The following SSH1 variants were observed in gnomAD, a reference collection of about 807,000 sequenced individuals.
SSH1 encodes slingshot protein phosphatase 1.
Under a neutral mutation model 79.7 loss-of-function variants are expected in SSH1, and 43 were observed. The ratio of observed to expected loss-of-function variants is 0.54; its 90% CI spans 0.42 to 0.70. The LOEUF (loss-of-function observed/expected upper bound fraction) is 0.70. Among genes scored for constraint, SSH1 ranks in the 30% least tolerant of loss-of-function variants. The pLI is 0.00. For missense variants in SSH1, 1,206 were observed against 1,358.8 expected (o/e 0.89, Z 1.77); for synonymous variants, 599 against 538.3 (o/e 1.11, Z -1.56).
chr12:108,823,099 C>G (rs75226527), intron 3 of SSH1, among the ~76,000 whole-genome samples, 159 bp downstream of exon 3: 1,915 of 152,302 alleles, frequency 0.013, 40 homozygotes, highest in African/African-American at 0.044. Context: ...GTGGTCTGCT[C>G]AAGAGAGAGC....
At chr12:108,824,454 C>CAA (rs778260052) in intron 2 of SSH1, among the ~76,000 whole-genome samples, 5 of 113,688 alleles carry the variant, frequency 4.4e-5, no homozygotes, top group South Asian at 2.9e-4. Context: ...GACTGTGTCT[C>CAA]AAAAAAAAAA....
rs550843784 is a variant in SSH1 at position 108,799,981 on chromosome 12, T to C, written c.1149-781A>G. 5.3e-5 allele frequency among the ~76,000 whole-genome samples: 8 copies of C among 152,302 alleles called. No individual in the cohort carries two copies. In the South Asian group the frequency reaches 1.0e-3, roughly 20 times the overall value. On this transcript the variant is annotated intron_variant, in intron 12 of 14. Coordinates refer to ENST00000326495, the MANE Select transcript of SSH1 (RefSeq NM_018984.4). ...GCTCTGGTTTCCTATACCCCAACCT[T>C]GAAATTCTCCTGCAAATCTCAGTGG...
rs560897365 is a variant in SSH1, at chr12:108,810,685, T to C, written c.470+575A>G. 4.6e-5 allele frequency among the ~76,000 whole-genome samples: 7 copies of C among 152,350 alleles called. No individual in the cohort carries two copies. In the East Asian group the frequency reaches 9.6e-4, roughly 21 times the overall value. ...TTAGAATCCCCGTGTCAGGCCACTT[T>C]CCTATTCTGTTTCTTCCCACTCCTC... On this transcript the variant is annotated intron_variant, in intron 6 of 14. Transcript: ENST00000326495.
In SSH1 at chr12:108,840,688, A is replaced by C. The variant is rs143128471; in HGVS notation, c.110+11950T>G. On this transcript the variant is annotated intron_variant, in intron 2 of 14. Coordinates refer to ENST00000326495, the MANE Select transcript of SSH1 (RefSeq NM_018984.4). ...ATTTTCTAATAAGCTGTCTAAATCC[A>C]GAGATCCGACCACAGAACAATGAAT... Among the ~76,000 whole-genome samples, 928 of 152,346 alleles carry C rather than the reference A, an allele frequency of 6.1e-3. 6 individuals carry two copies. Among genetic ancestry groups the C allele is most frequent in the Non-Finnish European group, 9.3e-3 (634 of 68,020 alleles).
chr12:108,811,623 A>T (rs1403750317), intron 5 of SSH1: 5 of 467,370 alleles, frequency 1.1e-5, no homozygotes, highest in Non-Finnish European at 1.6e-5. Flanking sequence ...CGGAGGCCAC[A>T]TGTGTACTTG....
rs146699038 is a variant in SSH1, at chr12:108,792,644, C to T, written c.1535G>A (p.Arg512Gln). The T allele has an allele frequency of 1.1e-4, 183 of 1,611,476 alleles. 1 individual carries two copies. In the African/African-American group the frequency reaches 1.9e-3, roughly 17 times the overall value. ...GLGPPLPCCFRRLSDPLLPSP... is the reference protein window; with the variant it reads ...GLGPPLPCCFQRLSDPLLPSP... ...AGGCAGAAGGGGGTCTGAGAGTCGCCGGAAACAGCAGGGGAGGGGGGGCCC... is the reference window on the plus strand; with the variant it reads ...AGGCAGAAGGGGGTCTGAGAGTCGCTGGAAACAGCAGGGGAGGGGGGGCCC... Residue 512 changes from arginine to glutamine, a missense_variant, in exon 14 of 15, where the codon CGG becomes CAG. This residue lies in a region of SSH1 where 709 missense variants were observed against 730.6 expected (regional missense o/e 0.97). Coordinates refer to ENST00000326495, the MANE Select transcript of SSH1 (RefSeq NM_018984.4).
chr12:108,795,933 G>C (rs1347436907), intron 13 of SSH1, among the ~76,000 whole-genome samples: 1 of 152,046 alleles, frequency 6.6e-6, no homozygotes, highest in African/African-American at 2.4e-5. Flanking sequence ...TCTGAGAAAA[G>C]GTCTCGCTCT....
Position 108,788,047 on chromosome 12 carries a change from G to A in SSH1, c.3091C>T (p.Pro1031Ser), listed in dbSNP as rs1340582871. ...TPRDPAATSK[P>S]SGKPAPENLK... ...TTTTCTGGGGCGGGTTTCCCTGATG[G>A]TTTGGAGGTTGCAGCTGGGTCCCTC... The change falls in exon 15 of 15, where the codon CCA (proline) becomes TCA (serine). Residue 1031 changes from proline to serine, a missense_variant. Transcript: ENST00000326495. The A allele has an allele frequency of 1.2e-6, 2 of 1,614,134 alleles. No homozygotes were observed. The highest frequency in any genetic ancestry group is 8.5e-7 in the Non-Finnish European group (1 of 1,180,032).
At chr12:108,843,681 C>T (rs1046627965) in intron 2 of SSH1, among the ~76,000 whole-genome samples, 6 of 152,024 alleles carry the variant, frequency 3.9e-5, no homozygotes, top group South Asian at 2.1e-4. Context: ...ATTACAGGCA[C>T]GCGCCACCAT....
chr12:108,827,411 C>A, intron 2 of SSH1: 1 of 1,424,456 alleles, frequency 7.0e-7, no homozygotes, highest in Non-Finnish European at 9.2e-7. Flanking sequence ...GCCATCTGCT[C>A]CCTATGGAGA....
intron 3 of SSH1, among the ~76,000 whole-genome samples, chr12:108,822,372 G>A (rs542289361): frequency 2.0e-5 from 3 of 152,252 alleles, no homozygotes; most frequent in South Asian, 4.1e-4. Flanking sequence ...GGGTTCAAGC[G>A]AGATCTGCCC....
At chr12:108,842,392 C>T (rs2038799134) in intron 2 of SSH1, among the ~76,000 whole-genome samples, 1 of 152,188 alleles carries the variant, frequency 6.6e-6, no homozygotes, top group Non-Finnish European at 1.5e-5. Context: ...CTGGCTCAGG[C>T]CTCCCACCAG....
intron 2 of SSH1, chr12:108,827,372 C>T (rs756730367): frequency 9.8e-6 from 15 of 1,536,712 alleles, no homozygotes; most frequent in Non-Finnish European, 1.2e-5. Context: ...ACATCTCTAA[C>T]GCTCCCTACA....
chr12:108,852,657 C>G lies in SSH1; in HGVS notation c.91G>C (p.Asp31His). 6.2e-7 allele frequency: 1 copy of G among 1,614,152 alleles called. No individual in the cohort carries two copies. The change falls in exon 2 of 15, where the codon GAT (aspartate) becomes CAT (histidine). Residue 31 changes from aspartate (D) to histidine (H), a missense_variant. Physicochemically the swap from Asp to His is moderately conservative, Grantham distance 81. This residue lies in a region of SSH1 where 100 missense variants were observed against 82.3 expected (regional missense o/e 1.21). Transcript: ENST00000326495. ...GCTTACCTGAGGTTTAATTTTCGAT[C>G]TTCTTCGCTGCCAGCCTCCAACTAC... Reference protein sequence around the residue: ...NSELEAGSEEDRKLNLSLSES... With the variant: ...NSELEAGSEEHRKLNLSLSES...
At chr12:108,811,633 G>A in intron 5 of SSH1, 1 of 451,586 alleles carries the variant, frequency 2.2e-6, no homozygotes, top group Non-Finnish European at 4.1e-6. Flanking sequence ...ATGTGTACTT[G>A]GGGGTACATA....
In SSH1 at chr12:108,817,693, G is replaced by T. The variant is rs138723449; in HGVS notation, c.280-534C>A. 2.8e-4 allele frequency among the ~76,000 whole-genome samples: 42 copies of T among 152,312 alleles called. 1 individual carries two copies. The East Asian group carries it at 6.4e-3, about 23-fold the overall frequency. On this transcript the variant is annotated intron_variant, in intron 4 of 14. Transcript: ENST00000326495. ...CTCAGAGGAATCACCCAAAATGCAA[G>T]AAATCAGTGAACACATGAAATCCAA...
At chr12:108,791,868 AGTG>A (rs2036515525) in intron 14 of SSH1, 1 of 1,128,006 alleles carries the variant, frequency 8.9e-7, no homozygotes, top group African/African-American at 1.6e-5. Flanking sequence ...GGTGTGGGGA[AGTG>A]GGTGGTAGGG....
chr12:108,826,017 A>G (rs545722892), intron 2 of SSH1: 1 of 417,128 alleles, frequency 2.4e-6, no homozygotes, highest in Non-Finnish European at 4.6e-6. Flanking sequence ...AACAACCATC[A>G]GTTCATCGAA....
At chr12:108,793,769 A>G (rs959384783) in intron 13 of SSH1, among the ~76,000 whole-genome samples, 1 of 152,236 alleles carries the variant, frequency 6.6e-6, no homozygotes, top group African/African-American at 2.4e-5. Flanking sequence ...GTCACCCTCA[A>G]GGACCTTAAA....
Sources: allele counts gnomAD v4.1 joint callset (sites outside exome capture counted in the v4.1 genomes callset), GRCh38; gene constraint gnomAD v4.1.1; regional missense constraint gnomAD v4.1.1; transcripts MANE v1.5; gene names NCBI Gene and HGNC (gene_info 2026-07-23, HGNC 2026-07-21).